The following COL6A6 variants were observed in gnomAD, a reference collection of about 807,000 sequenced individuals.
The protein encoded by COL6A6 is collagen alpha-6(VI) chain.
Under a neutral mutation model 208.6 loss-of-function variants are expected in COL6A6, and 183 were observed. The ratio of observed to expected loss-of-function variants is 0.88; its 90% CI spans 0.78 to 0.99. The LOEUF is 0.99. Ranked by LOEUF, COL6A6 falls within the 50% of genes least tolerant of loss-of-function variation. COL6A6 has a pLI of 0.00. For missense variants in COL6A6, 2,816 were observed against 2,815.2 expected (o/e 1.00, Z -0.01); for synonymous variants, 973 against 1,011.8 (o/e 0.96, Z 0.73).
chr3:130,627,442 G>C, intron 26 of COL6A6, 73 bp downstream of exon 26: 2 of 1,320,660 alleles, frequency 1.5e-6, no homozygotes, highest in East Asian at 2.3e-5. Context: ...CCACATTTAA[G>C]AGAAAAAGGG....
At chr3:130,590,882 T>G (rs889248360) in intron 12 of COL6A6, among the ~76,000 whole-genome samples, 159 bp from the exon 13 acceptor site, 6 of 152,180 alleles carry the variant, frequency 3.9e-5, no homozygotes, top group African/African-American at 1.4e-4. Context: ...TCCATTTCTT[T>G]TTATGTGTGT....
intron 13 of COL6A6, 91 bp downstream of exon 13, chr3:130,591,185 G>A (rs1002781197): frequency 1.1e-6 from 1 of 927,148 alleles, no homozygotes; most frequent in Non-Finnish European, 1.7e-6. Flanking sequence ...AGCAAGAAAG[G>A]TGAGATTCTA....
intron 23 of COL6A6, among the ~76,000 whole-genome samples, chr3:130,614,592 T>C (rs1235560532): frequency 6.6e-6 from 1 of 152,180 alleles, no homozygotes; most frequent in African/African-American, 2.4e-5. Flanking sequence ...TGATATCAGC[T>C]CTTCTTTATA....
chr3:130,652,892 T>G (rs1451580630), intron 33 of COL6A6, among the ~76,000 whole-genome samples: 2 of 152,324 alleles, frequency 1.3e-5, no homozygotes, highest in East Asian at 3.9e-4. Flanking sequence ...AAGTAGTCCA[T>G]CATGAAATTT....
intron 18 of COL6A6, among the ~76,000 whole-genome samples, chr3:130,597,804 G>A (rs2063892839): frequency 1.3e-5 from 2 of 152,168 alleles, no homozygotes; most frequent in East Asian, 1.9e-4. Flanking sequence ...AAAAGTAGGG[G>A]TGAACATATG....
chr3:130,659,282 GATTT>G (rs765540130), intron 34 of COL6A6, among the ~76,000 whole-genome samples: 5 of 152,144 alleles, frequency 3.3e-5, no homozygotes, highest in Admixed American at 6.5e-5. Context: ...TTGCAGTGTT[GATTT>G]ATTTGTAGTG....
chr3:130,624,067 G>T (rs751751590), intron 24 of COL6A6, among the ~76,000 whole-genome samples: 2 of 152,126 alleles, frequency 1.3e-5, no homozygotes, highest in Non-Finnish European at 2.9e-5. Flanking sequence ...AGAAATGTGC[G>T]AGGAGAAAAT....
At chr3:130,520,948 T>G (rs553586700) in intron 1 of COL6A6, among the ~76,000 whole-genome samples, 21 of 152,266 alleles carry the variant, frequency 1.4e-4, no homozygotes, top group African/African-American at 5.1e-4. Flanking sequence ...ATGAGAAAAT[T>G]TTTCCCCAAA....
At chr3:130,559,521 T>C (rs890929174) in intron 1 of COL6A6, among the ~76,000 whole-genome samples, 1 of 152,224 alleles carries the variant, frequency 6.6e-6, no homozygotes, top group African/African-American at 2.4e-5. Context: ...TATATAGTGT[T>C]GCACAATTAA....
At chr3:130,591,540 A>G (rs1336205297) in intron 13 of COL6A6, among the ~76,000 whole-genome samples, 1 of 152,230 alleles carries the variant, frequency 6.6e-6, no homozygotes, top group African/African-American at 2.4e-5. Context: ...TTTATCAAAG[A>G]CCTCACACTT....
intron 1 of COL6A6, among the ~76,000 whole-genome samples, chr3:130,541,968 T>G (rs2062373950): frequency 6.6e-6 from 1 of 152,210 alleles, no homozygotes; most frequent in Non-Finnish European, 1.5e-5. Flanking sequence ...TAATATTCCT[T>G]GATTAGCCTT....
At chr3:130,634,242 T>TAAAAAAAAAAAAAAAAAAAAA (rs202193097) in intron 26 of COL6A6, among the ~76,000 whole-genome samples, 1 of 23,808 alleles carries the variant, frequency 4.2e-5, no homozygotes, top group Non-Finnish European at 5.9e-5. Flanking sequence ...AATAAATAAA[T>TAAAAAAAAAAAAAAAAAAAAA]AAAAAAAAAA....
chr3:130,673,214 A>C (rs2066269851), intron 36 of COL6A6, among the ~76,000 whole-genome samples: 2 of 124,606 alleles, frequency 1.6e-5, no homozygotes, highest in African/African-American at 4.3e-5. Flanking sequence ...AAAACAAAAA[A>C]AACAAAAAAA....
chr3:130,607,105 G>C (rs1427714707), intron 21 of COL6A6, 139 bp downstream of exon 21: 3 of 609,256 alleles, frequency 4.9e-6, no homozygotes, highest in African/African-American at 3.8e-5. Flanking sequence ...AAAATTTTAG[G>C]TTAAGATTTT....
At position 130,563,709 on chromosome 3, in the gene COL6A6, G is replaced by A. The variant is rs771428493; in HGVS notation, c.661+45G>A. On this transcript the variant is annotated intron_variant, in intron 3 of 36. Transcript: ENST00000358511. ...ATAGGAATGATGATAAAACGCTTTTGAAAAATTAAAATGGGGAGAGGATTG... is the reference window on the plus strand; with the variant it reads ...ATAGGAATGATGATAAAACGCTTTTAAAAAATTAAAATGGGGAGAGGATTG... 2.3e-6 allele frequency: 3 copies of A among 1,322,406 alleles called. No individual in the cohort carries two copies. In the East Asian group the frequency reaches 7.0e-5, roughly 31 times the overall value. The allele number at this position is 1,322,406 out of a possible 1,614,324, so 81.9% of individuals were successfully genotyped here. A position where few individuals can be genotyped will look rare whatever the true frequency, so the allele number is the denominator to read the frequency against.
chr3:130,571,611 C>G (rs1209074566), intron 7 of COL6A6, among the ~76,000 whole-genome samples: 1 of 152,152 alleles, frequency 6.6e-6, no homozygotes, highest in Non-Finnish European at 1.5e-5. Flanking sequence ...CTGCAGCATT[C>G]CTAATCACTT....
intron 10 of COL6A6, among the ~76,000 whole-genome samples, chr3:130,584,327 CAGA>C (rs889224142): frequency 6.6e-6 from 1 of 152,118 alleles, no homozygotes; most frequent in African/African-American, 2.4e-5. Flanking sequence ...AATCAGATGA[CAGA>C]AGGTTTCATT....
intron 1 of COL6A6, among the ~76,000 whole-genome samples, chr3:130,554,106 A>G (rs913721675): frequency 7.9e-5 from 12 of 152,198 alleles, no homozygotes; most frequent in Admixed American, 3.9e-4. Context: ...ACTGCTGGAC[A>G]CAACACACTA....
chr3:130,581,564 G>A lies in COL6A6; in HGVS notation c.3551G>A (p.Cys1184Tyr). 14 of 1,602,998 alleles carry A rather than the reference G, an allele frequency of 8.7e-6. No individual in the cohort carries two copies. The highest frequency in any genetic ancestry group is 1.3e-5 in the African/African-American group (1 of 74,894). The change falls in exon 9 of 37, where the codon TGT becomes TAT. Residue 1184 changes from cysteine to tyrosine, a missense_variant. Transcript: ENST00000358511. ...ATGCTTTTCCTTTGAATCCTAGACT[G>A]TTTCGTGGATGTTGTGGTGGGATTT... ...NICTTAGESNCFVDVVVGFDV... is the reference protein window; with the variant it reads ...NICTTAGESNYFVDVVVGFDV...
Sources: gnomAD v4.1 joint callset for allele counts (sites outside exome capture counted in the v4.1 genomes callset) on GRCh38, gnomAD v4.1.1 for gene constraint, MANE v1.5 for transcripts, NCBI Gene and HGNC (gene_info 2026-07-23, HGNC 2026-07-21) for gene names.